Variants in SEMA6D observed in about 807,000 individuals in gnomAD.
SEMA6D encodes the protein semaphorin 6D.
SEMA6D carries 35 observed loss-of-function variants against 106.6 expected under a neutral mutation model. The ratio of observed to expected loss-of-function variants is 0.33; its 90% confidence interval spans 0.25 to 0.44. The LOEUF (loss-of-function observed/expected upper bound fraction) is 0.44. Among genes scored for constraint, SEMA6D ranks in the 20% least tolerant of loss-of-function variants. The pLI is 1.00. For missense variants in SEMA6D, 1,185 were observed against 1,345.9 expected (o/e 0.88, Z 1.87); for synonymous variants, 499 against 487.7 (o/e 1.02, Z -0.31).
chr15:47,728,468 T>A (rs1283503900), intron 1 of SEMA6D, among the ~76,000 whole-genome samples: 1 of 152,244 alleles, frequency 6.6e-6, no homozygotes, highest in African/African-American at 2.4e-5. Context: ...TGCCAAGCAC[T>A]GAAGTTTTGT....
chr15:47,622,424 A>G (rs1442375695), intron 4 of SEMA6D, among the ~76,000 whole-genome samples: 1 of 152,168 alleles, frequency 6.6e-6, no homozygotes, highest in East Asian at 1.9e-4. Flanking sequence ...AATTCAGCCT[A>G]TCCAAAGGAA....
chr15:47,551,917 G>A (rs1205557766), intron 3 of SEMA6D, among the ~76,000 whole-genome samples: 1 of 152,054 alleles, frequency 6.6e-6, no homozygotes, highest in Non-Finnish European at 1.5e-5. Context: ...CATACAAATT[G>A]ATAAAACACT....
At chr15:47,513,678 A>C (rs1349178339) in intron 3 of SEMA6D, among the ~76,000 whole-genome samples, 2 of 152,222 alleles carry the variant, frequency 1.3e-5, no homozygotes, top group Admixed American at 6.5e-5. Flanking sequence ...TAGATTCCCA[A>C]GGGCAATAGA....
At chr15:47,372,373 A>G (rs1305842884) in intron 1 of SEMA6D, among the ~76,000 whole-genome samples, 1 of 152,152 alleles carries the variant, frequency 6.6e-6, no homozygotes, top group Non-Finnish European at 1.5e-5. Context: ...AATTTCACAT[A>G]CTCAAACTGA....
intron 3 of SEMA6D, among the ~76,000 whole-genome samples, chr15:47,569,158 G>T (rs1371941110): frequency 1.3e-5 from 2 of 152,072 alleles, no homozygotes; most frequent in African/African-American, 4.8e-5. Context: ...TAGCTTGGTG[G>T]TAACTATACC....
intron 1 of SEMA6D, among the ~76,000 whole-genome samples, chr15:47,273,893 G>A (rs2034679132): frequency 6.6e-6 from 1 of 152,136 alleles, no homozygotes; most frequent in Non-Finnish European, 1.5e-5. Flanking sequence ...GGCATAGTGG[G>A]GAGTAAGAGA....
intron 4 of SEMA6D, among the ~76,000 whole-genome samples, chr15:47,631,477 G>T: frequency 6.6e-6 from 1 of 151,544 alleles, no homozygotes; most frequent in East Asian, 1.9e-4. Context: ...GAAAGAAAAA[G>T]GAAAAAAAGG....
intron 1 of SEMA6D, among the ~76,000 whole-genome samples, chr15:47,332,120 G>A (rs1050676429): frequency 2.6e-5 from 4 of 152,140 alleles, no homozygotes; most frequent in African/African-American, 7.2e-5. Context: ...AAGAATGAGC[G>A]TAAATGGCAT....
intron 3 of SEMA6D, among the ~76,000 whole-genome samples, chr15:47,569,998 T>C (rs1380272161): frequency 1.3e-5 from 2 of 151,158 alleles, no homozygotes; most frequent in Non-Finnish European, 2.9e-5. Flanking sequence ...GAGGCAGAGA[T>C]TGCAGTGACC....
intron 1 of SEMA6D, among the ~76,000 whole-genome samples, chr15:47,214,657 C>G (rs184312560): frequency 5.9e-5 from 9 of 152,266 alleles, no homozygotes; most frequent in African/African-American, 1.7e-4. Context: ...TTTGGACTCT[C>G]TAATCTTTCT....
At chr15:47,464,851 C>T (rs1023980753) in intron 2 of SEMA6D, among the ~76,000 whole-genome samples, 1 of 152,114 alleles carries the variant, frequency 6.6e-6, no homozygotes, top group Admixed American at 6.6e-5. Flanking sequence ...ATTGCTCCAC[C>T]CCACTGATAA....
intron 1 of SEMA6D, among the ~76,000 whole-genome samples, chr15:47,319,422 A>G (rs1483268372): frequency 6.6e-6 from 1 of 152,098 alleles, no homozygotes; most frequent in Non-Finnish European, 1.5e-5. Context: ...GTAGGCTTTT[A>G]TTGGTGGTAA....
chr15:47,542,359 C>G (rs2045381550), intron 3 of SEMA6D, among the ~76,000 whole-genome samples: 1 of 152,156 alleles, frequency 6.6e-6, no homozygotes, highest in Non-Finnish European at 1.5e-5. Flanking sequence ...AAGTCACCAT[C>G]CTTAGGATCT....
intron 1 of SEMA6D, among the ~76,000 whole-genome samples, chr15:47,348,718 C>CAGAGAGAGAGAGAGAGAGA (rs1379277513): frequency 1.5e-4 from 7 of 48,010 alleles, no homozygotes; most frequent in African/African-American, 3.0e-4. Flanking sequence ...CACACACACA[C>CAGAGAGAGAGAGAGAGAGA]CACACACACA....
chr15:47,204,345 A>C (rs1042078359), intron 1 of SEMA6D, among the ~76,000 whole-genome samples: 2 of 152,154 alleles, frequency 1.3e-5, no homozygotes, highest in African/African-American at 4.8e-5. Context: ...TTCTCTCACT[A>C]TGGACTATTC....
At chr15:47,189,583 C>T (rs1014491461) in intron 1 of SEMA6D, among the ~76,000 whole-genome samples, 1 of 152,202 alleles carries the variant, frequency 6.6e-6, no homozygotes, top group Non-Finnish European at 1.5e-5. Context: ...AGGCCAAAAA[C>T]TCTGAATTAA....
At chr15:47,312,146 G>GGT (rs370158628) in intron 1 of SEMA6D, among the ~76,000 whole-genome samples, 4 of 142,234 alleles carry the variant, frequency 2.8e-5, no homozygotes, top group African/African-American at 1.1e-4. Flanking sequence ...TCTTTCTAGG[G>GGT]TTTTTTTTTT....
At chr15:47,584,645 C>T (rs984536555) in intron 3 of SEMA6D, among the ~76,000 whole-genome samples, 1 of 152,252 alleles carries the variant, frequency 6.6e-6, no homozygotes, top group Middle Eastern at 3.4e-3. Context: ...TTGTTGGAAA[C>T]TGCCTTAAAT....
At chr15:47,621,055 G>T (rs1006855218) in intron 4 of SEMA6D, among the ~76,000 whole-genome samples, 11 of 152,042 alleles carry the variant, frequency 7.2e-5, no homozygotes, top group Admixed American at 5.2e-4. Context: ...CATAGAGATG[G>T]GCTCTTACAT....
Sources: allele counts gnomAD v4.1 joint callset (sites outside exome capture counted in the v4.1 genomes callset), GRCh38; gene constraint gnomAD v4.1.1; transcripts MANE v1.5; gene names NCBI Gene and HGNC (gene_info 2026-07-23, HGNC 2026-07-21).